Variants in TEC observed in about 807,000 individuals in gnomAD.
TEC encodes tec protein tyrosine kinase.
In TEC, 72 loss-of-function variants were observed where a neutral mutation model predicts 93.0. The observed-to-expected ratio is 0.77, with a 90% CI of 0.64 to 0.94. The LOEUF is 0.94. TEC is among the 40% of genes least tolerant of loss of function. The pLI is 0.00. For synonymous variants in TEC, 249 were observed against 247.7 expected, an observed-to-expected ratio of 1.01 and a Z score of -0.05; for missense variants, 630 against 757.9, an observed-to-expected ratio of 0.83 and a Z score of 1.98.
intron 2 of TEC, among the ~76,000 whole-genome samples, chr4:48,187,685 T>A (rs1017678478): frequency 2.0e-5 from 3 of 152,174 alleles, no homozygotes; most frequent in Non-Finnish European, 1.5e-5. Context: ...CCAGATGTGT[T>A]TTATTACGGT....
In TEC at chr4:48,145,579, T is replaced by C; in HGVS notation, c.1082A>G (p.Glu361Gly). 1 of 1,613,838 alleles carries C rather than the reference T, an allele frequency of 6.2e-7. No individual in the cohort carries two copies. Among genetic ancestry groups the C allele is most frequent in the Non-Finnish European group, 8.5e-7 (1 of 1,179,866 alleles). The change falls in exon 13 of 18, where the codon GAG (glutamate) becomes GGG (glycine). Residue 361 changes from glutamate to glycine, a missense_variant and splice_region_variant. Transcript: ENST00000381501. ...TTCTGAAGGGTTAATCTCCCATTTC[T>C]CTGCAGGACAGAAAGTGAAAGTGTT... ...NAPTTAGFSY[E>G]KWEINPSELT...
chr4:48,142,542 T>C (rs572228424), intron 14 of TEC, among the ~76,000 whole-genome samples: 1 of 152,220 alleles, frequency 6.6e-6, no homozygotes, highest in African/African-American at 2.4e-5. Flanking sequence ...TAACATGATG[T>C]ACAAAATTGG....
At chr4:48,203,678 G>A (rs898377461) in intron 2 of TEC, among the ~76,000 whole-genome samples, 16 of 151,636 alleles carry the variant, frequency 1.1e-4, no homozygotes, top group South Asian at 2.1e-4. Flanking sequence ...TATTTCCACC[G>A]GAGACACAAA....
chr4:48,153,750 T>C (rs1031366591), intron 9 of TEC, among the ~76,000 whole-genome samples: 12 of 152,288 alleles, frequency 7.9e-5, no homozygotes, highest in Admixed American at 6.5e-4. Context: ...GGTGATGGTA[T>C]TTCCCTAGCC....
At chr4:48,181,359 G>A (rs1258611307) in intron 2 of TEC, among the ~76,000 whole-genome samples, 1 of 152,078 alleles carries the variant, frequency 6.6e-6, no homozygotes, top group Non-Finnish European at 1.5e-5. Flanking sequence ...ACCCTGGGAG[G>A]TTAGGCAGGG....
chr4:48,189,089 A>G (rs1488000117), intron 2 of TEC, among the ~76,000 whole-genome samples: 1 of 152,262 alleles, frequency 6.6e-6, no homozygotes, highest in Non-Finnish European at 1.5e-5. Flanking sequence ...GTCTAAGGAA[A>G]AAAACATTAA....
At chr4:48,205,045 T>TA (rs1175117293) in intron 2 of TEC, among the ~76,000 whole-genome samples, 1 of 152,202 alleles carries the variant, frequency 6.6e-6, no homozygotes, top group Non-Finnish European at 1.5e-5. Context: ...CTTTGACACT[T>TA]ATTAGTTGCA....
chr4:48,228,238 TGAG>T (rs1303821250), intron 2 of TEC, among the ~76,000 whole-genome samples: 1 of 152,220 alleles, frequency 6.6e-6, no homozygotes, highest in African/African-American at 2.4e-5. Context: ...ACAAATTCCA[TGAG>T]GATCTAAAAG....
chr4:48,164,348 A>C (rs921133647), intron 7 of TEC, among the ~76,000 whole-genome samples: 2 of 152,188 alleles, frequency 1.3e-5, no homozygotes, highest in African/African-American at 4.8e-5. Flanking sequence ...ATAAATGTGA[A>C]CTGAGAAGAC....
At chr4:48,201,473 G>A (rs1194135291) in intron 2 of TEC, among the ~76,000 whole-genome samples, 3 of 152,202 alleles carry the variant, frequency 2.0e-5, no homozygotes, top group African/African-American at 7.2e-5. Context: ...TGAGGAACAC[G>A]CACATGTGAG....
At chr4:48,204,249 C>T (rs1233773195) in intron 2 of TEC, among the ~76,000 whole-genome samples, 1 of 152,198 alleles carries the variant, frequency 6.6e-6, no homozygotes. Flanking sequence ...CACCTGCTTG[C>T]CTTCTGGGAG....
intron 1 of TEC, among the ~76,000 whole-genome samples, chr4:48,258,858 C>T (rs1229644014): frequency 6.6e-6 from 1 of 152,056 alleles, no homozygotes; most frequent in East Asian, 1.9e-4. Flanking sequence ...AAAGACTCTC[C>T]TCCGAAATGT....
At chr4:48,241,594 T>G (rs1711560692) in intron 1 of TEC, among the ~76,000 whole-genome samples, 1 of 152,090 alleles carries the variant, frequency 6.6e-6, no homozygotes, top group Admixed American at 6.5e-5. Flanking sequence ...GCCATTAAAG[T>G]TTTCCAAGAT....
intron 1 of TEC, among the ~76,000 whole-genome samples, chr4:48,260,572 C>T (rs542058975): frequency 1.3e-5 from 2 of 151,874 alleles, no homozygotes; most frequent in East Asian, 3.9e-4. Flanking sequence ...CCACTGTGCT[C>T]CAGCCTAAGC....
intron 1 of TEC, among the ~76,000 whole-genome samples, chr4:48,238,749 A>G (rs62311460): frequency 0.07 from 10,511 of 150,982 alleles, 546 homozygotes; most frequent in East Asian, 0.24. Context: ...CCTTCTTTGC[A>G]GTAAAGTGTG....
intron 1 of TEC, among the ~76,000 whole-genome samples, chr4:48,256,790 G>A (rs1724358646): frequency 6.6e-6 from 1 of 152,072 alleles, no homozygotes; most frequent in Admixed American, 6.6e-5. Flanking sequence ...CTGGGCATAG[G>A]CAGGGAAAAT....
intron 17 of TEC, 136 bp downstream of exon 17, chr4:48,138,529 G>T: frequency 2.1e-6 from 2 of 939,090 alleles, no homozygotes; most frequent in Non-Finnish European, 3.1e-6. Context: ...TGAGTTGAGA[G>T]GGTTGGCTTC....
chr4:48,147,913 G>A (rs1278313244), intron 11 of TEC, among the ~76,000 whole-genome samples: 1 of 152,100 alleles, frequency 6.6e-6, no homozygotes, highest in Non-Finnish European at 1.5e-5. Flanking sequence ...TTTAAAAAAG[G>A]GAATGGAATA....
intron 2 of TEC, among the ~76,000 whole-genome samples, chr4:48,216,979 C>T (rs1723102813): frequency 6.6e-6 from 1 of 152,166 alleles, no homozygotes; most frequent in South Asian, 2.1e-4. Flanking sequence ...GATTAAACTC[C>T]TCTCTTCATT....
Sources: allele counts gnomAD v4.1 joint callset (sites outside exome capture counted in the v4.1 genomes callset), GRCh38; gene constraint gnomAD v4.1.1; transcripts MANE v1.5; gene names NCBI Gene and HGNC (gene_info 2026-07-23, HGNC 2026-07-21).